The following KIF6 variants were observed in gnomAD, a reference collection of about 807,000 sequenced individuals.
KIF6 encodes kinesin family member 6, also known as kinesin-like protein KIF6.
A neutral mutation model predicts 112.7 loss-of-function variants in KIF6; 106 were observed. The observed-to-expected ratio is 0.94, with a 90% CI of 0.80 to 1.11. The LOEUF (loss-of-function observed/expected upper bound fraction) is 1.11. Among genes scored for constraint, KIF6 ranks in the 50% least tolerant of loss-of-function variants. The pLI, the probability that KIF6 is intolerant of heterozygous loss-of-function variation, is 0.00. For synonymous variants in KIF6, 339 were observed against 339.9 expected, an observed-to-expected ratio of 1.00 and a Z score of 0.03; for missense variants, 929 against 964.0, an observed-to-expected ratio of 0.96 and a Z score of 0.48.
At chr6:39,365,579 A>T (rs1401714614) in intron 16 of KIF6, among the ~76,000 whole-genome samples, 1 of 152,234 alleles carries the variant, frequency 6.6e-6, no homozygotes, top group Non-Finnish European at 1.5e-5. Flanking sequence ...TGAAGGAAGT[A>T]TCTTAATATG....
intron 13 of KIF6, among the ~76,000 whole-genome samples, chr6:39,449,353 C>T (rs1256074800): frequency 2.0e-5 from 3 of 152,226 alleles, no homozygotes; most frequent in African/African-American, 4.8e-5. Context: ...CTCTTCATGC[C>T]ACACCCAGGT....
chr6:39,471,465 C>T (rs944331273), intron 13 of KIF6, among the ~76,000 whole-genome samples: 3 of 152,126 alleles, frequency 2.0e-5, no homozygotes, highest in Admixed American at 1.3e-4. Context: ...ACAGGGCCAG[C>T]GCTCGACACT....
chr6:39,722,357 A>T (rs368084641), intron 1 of KIF6, among the ~76,000 whole-genome samples: 139 of 152,336 alleles, frequency 9.1e-4, no homozygotes, highest in African/African-American at 2.8e-3. Context: ...GAACCAGATC[A>T]CTTGTTTAGT....
intron 17 of KIF6, among the ~76,000 whole-genome samples, chr6:39,361,093 C>T (rs1765097887): frequency 6.6e-6 from 1 of 152,152 alleles, no homozygotes; most frequent in Non-Finnish European, 1.5e-5. Flanking sequence ...TAACACTGTG[C>T]TTATGAACGC....
chr6:39,498,711 G>A (rs1355414239), intron 13 of KIF6, among the ~76,000 whole-genome samples: 3 of 152,116 alleles, frequency 2.0e-5, no homozygotes, highest in Admixed American at 6.5e-5. Flanking sequence ...GATGCCTGTT[G>A]TAGAGTCAAT....
At chr6:39,486,166 A>G (rs1775099565) in intron 13 of KIF6, among the ~76,000 whole-genome samples, 1 of 152,240 alleles carries the variant, frequency 6.6e-6, no homozygotes, top group Non-Finnish European at 1.5e-5. Context: ...CTTGATTAAT[A>G]AGATATCACG....
At chr6:39,494,575 C>T (rs949634493) in intron 13 of KIF6, among the ~76,000 whole-genome samples, 1 of 152,038 alleles carries the variant, frequency 6.6e-6, no homozygotes, top group African/African-American at 2.4e-5. Context: ...AAATCAATGC[C>T]TCTAGAATTC....
At chr6:39,657,192 C>T (rs1232871432) in intron 3 of KIF6, among the ~76,000 whole-genome samples, 4 of 149,846 alleles carry the variant, frequency 2.7e-5, no homozygotes, top group African/African-American at 9.9e-5. Flanking sequence ...GAGATAGCAC[C>T]AGTGCACTCC....
At chr6:39,401,581 G>A (rs892800137) in intron 15 of KIF6, among the ~76,000 whole-genome samples, 13 of 152,212 alleles carry the variant, frequency 8.5e-5, no homozygotes, top group Non-Finnish European at 1.6e-4. Flanking sequence ...GCTGGGGTAC[G>A]TATACACCAA....
chr6:39,547,443 T>C (rs1779125074), intron 10 of KIF6, among the ~76,000 whole-genome samples: 2 of 152,294 alleles, frequency 1.3e-5, no homozygotes, highest in South Asian at 4.1e-4. Flanking sequence ...GATACATTTT[T>C]TAAAAAATCA....
At chr6:39,457,701 C>A (rs1412638724) in intron 13 of KIF6, among the ~76,000 whole-genome samples, 1 of 152,092 alleles carries the variant, frequency 6.6e-6, no homozygotes, top group Non-Finnish European at 1.5e-5. Context: ...CACCACCGAT[C>A]CCACAGAAAT....
intron 5 of KIF6, among the ~76,000 whole-genome samples, chr6:39,616,745 A>G (rs1041246113): frequency 6.6e-6 from 1 of 152,198 alleles, no homozygotes; most frequent in African/African-American, 2.4e-5. Flanking sequence ...GCCTTTGCTC[A>G]TAGAAGCCCA....
At chr6:39,537,611 G>T (rs551655840) in intron 13 of KIF6, among the ~76,000 whole-genome samples, 1 of 151,992 alleles carries the variant, frequency 6.6e-6, no homozygotes, top group African/African-American at 2.4e-5. Flanking sequence ...TGGGTAGGAA[G>T]AATCAATATC....
chr6:39,517,003 C>T (rs1195884702), intron 13 of KIF6, among the ~76,000 whole-genome samples: 1 of 152,184 alleles, frequency 6.6e-6, no homozygotes, highest in Non-Finnish European at 1.5e-5. Flanking sequence ...ATTCTCCTTC[C>T]TCCGACACTG....
At chr6:39,500,930 T>C (rs1039301546) in intron 13 of KIF6, among the ~76,000 whole-genome samples, 2 of 151,856 alleles carry the variant, frequency 1.3e-5, no homozygotes, top group Non-Finnish European at 2.9e-5. Flanking sequence ...GGGAGTGGCA[T>C]ATAAGAAATG....
At chr6:39,407,553 CAT>C (rs1233050634) in intron 15 of KIF6, among the ~76,000 whole-genome samples, 1 of 152,216 alleles carries the variant, frequency 6.6e-6, no homozygotes. Flanking sequence ...ATCATCTCAA[CAT>C]GTGTTAATAT....
chr6:39,692,114 A>C (rs765670782), intron 3 of KIF6, among the ~76,000 whole-genome samples: 39 of 152,334 alleles, frequency 2.6e-4, no homozygotes, highest in Non-Finnish European at 4.4e-4. Context: ...TCGCCACTGC[A>C]CTGCAGCCTG....
chr6:39,539,976 G>A (rs756968507), intron 13 of KIF6, 27 bp downstream of exon 13: 12 of 1,538,830 alleles, frequency 7.8e-6, no homozygotes, highest in Non-Finnish European at 1.1e-5. Context: ...CAGACAATGA[G>A]AAATACTGGA....
intron 14 of KIF6, among the ~76,000 whole-genome samples, chr6:39,420,721 C>T (rs773828250): frequency 3.9e-5 from 6 of 152,134 alleles, no homozygotes; most frequent in African/African-American, 7.2e-5. Flanking sequence ...ATTGGATACA[C>T]GTATCCACCC....
Sources: allele counts gnomAD v4.1 joint callset (sites outside exome capture counted in the v4.1 genomes callset), GRCh38; gene constraint gnomAD v4.1.1; transcripts MANE v1.5; gene names NCBI Gene and HGNC (gene_info 2026-07-23, HGNC 2026-07-21).